SYN3: variants seen among roughly 807,000 people sequenced by gnomAD.
SYN3 encodes the protein synapsin-3.
Under a neutral mutation model 65.8 loss-of-function variants are expected in SYN3, and 35 were observed. The ratio of observed to expected loss-of-function variants is 0.53; its 90% CI spans 0.41 to 0.70. The LOEUF (loss-of-function observed/expected upper bound fraction) is 0.70, where lower values mean the gene tolerates loss of function less well. Ranked by LOEUF, SYN3 falls within the 30% of genes least tolerant of loss-of-function variation. The pLI is 0.00. For missense variants in SYN3, 680 were observed against 749.0 expected (o/e 0.91, Z 1.08); for synonymous variants, 270 against 292.9 (o/e 0.92, Z 0.80).
At chr22:32,973,831 C>G (rs540677641) in intron 3 of SYN3, among the ~76,000 whole-genome samples, 1 of 152,302 alleles carries the variant, frequency 6.6e-6, no homozygotes, top group South Asian at 2.1e-4. Flanking sequence ...GAGTTTTGCT[C>G]TTGTCGCACC....
At chr22:32,807,910 A>G (rs1467228303) in intron 6 of SYN3, among the ~76,000 whole-genome samples, 9 of 152,190 alleles carry the variant, frequency 5.9e-5, no homozygotes. Flanking sequence ...CCCTGTGCTT[A>G]AGAGACTCCC....
intron 6 of SYN3, among the ~76,000 whole-genome samples, chr22:32,618,390 G>A (rs961739636): frequency 7.9e-5 from 12 of 152,076 alleles, no homozygotes; most frequent in East Asian, 3.9e-4. Flanking sequence ...CAAACAAACC[G>A]GGCACAAGGT....
At chr22:32,913,266 T>C (rs2050100576) in intron 4 of SYN3, among the ~76,000 whole-genome samples, 1 of 151,844 alleles carries the variant, frequency 6.6e-6, no homozygotes, top group Non-Finnish European at 1.5e-5. Flanking sequence ...GTTCACACCA[T>C]TCATTCCCAC....
intron 1 of SYN3, among the ~76,000 whole-genome samples, chr22:33,025,086 T>C (rs2053617729): frequency 6.6e-6 from 1 of 152,116 alleles, no homozygotes; most frequent in South Asian, 2.1e-4. Context: ...ATGCCTGTAA[T>C]CCCAACACTT....
chr22:32,812,073 C>T (rs2046930567), intron 6 of SYN3, among the ~76,000 whole-genome samples: 2 of 152,158 alleles, frequency 1.3e-5, no homozygotes. Flanking sequence ...CTGGAGTCCC[C>T]TTGGTGATAC....
chr22:32,725,586 C>G (rs2061179250), intron 6 of SYN3, among the ~76,000 whole-genome samples: 1 of 152,142 alleles, frequency 6.6e-6, no homozygotes, highest in Admixed American at 6.6e-5. Flanking sequence ...GCAGAAGAGT[C>G]AGAGTGAGAG....
intron 6 of SYN3, among the ~76,000 whole-genome samples, chr22:32,799,563 A>G (rs569261434): frequency 1.3e-5 from 2 of 152,226 alleles, no homozygotes; most frequent in Non-Finnish European, 2.9e-5. Flanking sequence ...ATGTGAAAAG[A>G]AAGGGAAGAG....
At chr22:32,764,251 A>G (rs1028192936) in intron 6 of SYN3, among the ~76,000 whole-genome samples, 1 of 152,112 alleles carries the variant, frequency 6.6e-6, no homozygotes, top group Non-Finnish European at 1.5e-5. Flanking sequence ...CGAAGACCCC[A>G]TTTTTAATCA....
chr22:33,001,070 T>G (rs942302701), intron 2 of SYN3, among the ~76,000 whole-genome samples: 5 of 152,156 alleles, frequency 3.3e-5, no homozygotes, highest in Admixed American at 2.6e-4. Context: ...TGGTAGGAAG[T>G]CTCTGTCACA....
At chr22:32,869,330 TTCTCTCTCTCTCTCTCTCTC>T (rs59752570) in intron 4 of SYN3, among the ~76,000 whole-genome samples, 15 of 120,932 alleles carry the variant, frequency 1.2e-4, no homozygotes, top group Middle Eastern at 4.2e-3. Flanking sequence ...ACTATATATA[TTCTCTCTCTCTCTCTCTCTC>T]TCTCTCTCTC....
intron 3 of SYN3, among the ~76,000 whole-genome samples, chr22:32,932,737 G>A (rs2050667599): frequency 6.6e-6 from 1 of 152,042 alleles, no homozygotes; most frequent in African/African-American, 2.4e-5. Flanking sequence ...ATGCTCCCTG[G>A]GATTTCTCAC....
At chr22:32,827,561 C>A (rs139803904) in intron 6 of SYN3, among the ~76,000 whole-genome samples, 225 of 152,122 alleles carry the variant, frequency 1.5e-3, no homozygotes, top group African/African-American at 5.1e-3. Context: ...AGTGGGTGGG[C>A]AAGGGAGAGG....
chr22:32,837,157 C>A lies in SYN3; in HGVS notation c.711+27758G>T, dbSNP rs988156627. On this transcript the variant is annotated intron_variant, in intron 6 of 13. Transcript: ENST00000358763. This position sits in a 1 kb window ranked among gnomAD's most constrained non-coding sequence, Gnocchi z 4.1. The stretch of plus-strand genomic sequence containing the variant: ...TGTTTGGGCTTCAAAAATGCCCCGA[C>A]CTGAAAGCTGGAAGTTCTGAGAACC... Among the ~76,000 whole-genome samples the A allele has an allele frequency of 2.0e-5, 3 of 152,176 alleles. No individual in the cohort carries two copies. The highest frequency in any genetic ancestry group is 7.2e-5 in the African/African-American group (3 of 41,440).
intron 6 of SYN3, among the ~76,000 whole-genome samples, chr22:32,750,410 A>C (rs1157432484): frequency 1.3e-5 from 2 of 152,150 alleles, no homozygotes; most frequent in African/African-American, 4.8e-5. Flanking sequence ...TTCAGACGAC[A>C]GCCAGGGCTT....
chr22:32,895,260 G>C (rs2049559556), intron 4 of SYN3, among the ~76,000 whole-genome samples: 1 of 152,184 alleles, frequency 6.6e-6, no homozygotes, highest in Non-Finnish European at 1.5e-5. Context: ...GTCTCCTCCT[G>C]ACTCTGGACT....
At chr22:32,698,321 C>T (rs2060765801) in intron 6 of SYN3, among the ~76,000 whole-genome samples, 1 of 151,638 alleles carries the variant, frequency 6.6e-6, no homozygotes, top group Admixed American at 6.5e-5. Context: ...TTTTCTCCCC[C>T]GTTTCTTTGG....
intron 2 of SYN3, among the ~76,000 whole-genome samples, chr22:32,988,638 C>A (rs2052606870): frequency 6.6e-6 from 1 of 151,982 alleles, no homozygotes; most frequent in African/African-American, 2.4e-5. Flanking sequence ...CACAAATATC[C>A]CCCTCAGCCC....
intron 1 of SYN3, chr22:33,015,439 A>G: frequency 3.6e-6 from 1 of 280,324 alleles, no homozygotes; most frequent in Non-Finnish European, 7.4e-6. Flanking sequence ...CAACGCTGTT[A>G]TTCAGATATC....
At chr22:32,977,411 A>G (rs574819497) in intron 3 of SYN3, among the ~76,000 whole-genome samples, 157 of 152,306 alleles carry the variant, frequency 1.0e-3, no homozygotes, top group Admixed American at 1.8e-3. Flanking sequence ...CTGGCAACCA[A>G]GTATCTACCA....
Sources: allele counts gnomAD v4.1 joint callset (sites outside exome capture counted in the v4.1 genomes callset), GRCh38; gene constraint gnomAD v4.1.1; non-coding constraint Gnocchi (gnomAD v3.1); transcripts MANE v1.5; gene names NCBI Gene and HGNC (gene_info 2026-07-23, HGNC 2026-07-21).